The following TP53BP2 variants were observed in gnomAD, a reference collection of about 807,000 sequenced individuals.
TP53BP2 encodes tumor protein p53 binding protein 2.
TP53BP2 carries 62 observed loss-of-function variants against 126.2 expected under a neutral mutation model. The observed-to-expected ratio is 0.49, with a 90% CI of 0.40 to 0.61. The LOEUF is 0.61. Among genes scored for constraint, TP53BP2 ranks in the 20% least tolerant of loss-of-function variants. The pLI is 0.00. For synonymous variants in TP53BP2, 485 were observed against 502.9 expected (o/e 0.96, Z 0.48); for missense variants, 1,215 against 1,402.8 (o/e 0.87, Z 2.14).
chr1:223,795,047 C>G (rs1425581852), intron 13 of TP53BP2, among the ~76,000 whole-genome samples: 1 of 152,200 alleles, frequency 6.6e-6, no homozygotes, highest in African/African-American at 2.4e-5. Context: ...TATGAAAAAG[C>G]AGACTTCATT....
Position 223,803,263 on chromosome 1 carries a change from C to A in TP53BP2, c.831+8G>T. The stretch of plus-strand genomic sequence containing the variant: ...TTGTACAGCTTTTGGCAAACAGCTA[C>A]GGTCTACCTGCAGCTCCTTATAGAG... On this transcript the variant is annotated splice_region_variant and intron_variant, in intron 7 of 17. Coordinates refer to ENST00000343537, the MANE Select transcript of TP53BP2 (RefSeq NM_001031685.3). 6.2e-7 allele frequency: 1 copy of A among 1,602,170 alleles called. No homozygotes were observed. The highest frequency in any genetic ancestry group is 8.5e-7 in the Non-Finnish European group (1 of 1,175,592).
At chr1:223,815,108 C>T (rs1222128) in intron 2 of TP53BP2, among the ~76,000 whole-genome samples, 20,060 of 152,138 alleles carry the variant, frequency 0.13, 1,805 homozygotes, top group African/African-American at 0.24. Flanking sequence ...ATCAATGAAA[C>T]TCCAGTAATG....
chr1:223,782,226 T>TACACA, intron 17 of TP53BP2, among the ~76,000 whole-genome samples: 1 of 152,200 alleles, frequency 6.6e-6, no homozygotes, highest in Non-Finnish European at 1.5e-5. Context: ...TTTCAAATCA[T>TACACA]GTTATACACC....
chr1:223,810,781 G>A (rs893607577), intron 3 of TP53BP2, among the ~76,000 whole-genome samples: 3 of 152,066 alleles, frequency 2.0e-5, no homozygotes, highest in Non-Finnish European at 4.4e-5. Context: ...ACATACCAAA[G>A]GAGGAAAAAT....
chr1:223,836,116 C>T (rs1166560242), intron 1 of TP53BP2, among the ~76,000 whole-genome samples: 2 of 152,168 alleles, frequency 1.3e-5, no homozygotes, highest in Admixed American at 1.3e-4. Flanking sequence ...GGACGCAAGG[C>T]AGGACAAAGA....
chr1:223,803,660 T>A (rs545943908), intron 6 of TP53BP2, among the ~76,000 whole-genome samples: 2 of 152,346 alleles, frequency 1.3e-5, no homozygotes, highest in East Asian at 3.9e-4. Flanking sequence ...TGTATATTTA[T>A]CAGAATTTGC....
rs1228475 is a variant in TP53BP2 at position 223,786,855 on chromosome 1, G to A, written c.3163+2153C>T. On this transcript the variant is annotated intron_variant, in intron 16 of 17. Coordinates refer to ENST00000343537, the MANE Select transcript of TP53BP2 (RefSeq NM_001031685.3). ...TCTCCTGACCTCGTGATCTGCCCAC[G>A]TCGGCCTCCCAAAGTGCTGGGATTA... Among the ~76,000 whole-genome samples, 145 of 151,696 alleles carry A rather than the reference G, an allele frequency of 9.6e-4. 1 individual carries two copies. Among genetic ancestry groups the A allele is most frequent in the South Asian group, 4.2e-4 (2 of 4,808 alleles).
intron 4 of TP53BP2, among the ~76,000 whole-genome samples, chr1:223,809,470 G>A (rs1662835572): frequency 6.6e-6 from 1 of 151,982 alleles, no homozygotes; most frequent in Non-Finnish European, 1.5e-5. Context: ...GGGAGGCTGA[G>A]GCAGGAGAAT....
chr1:223,824,580 A>C (rs1487124543), intron 1 of TP53BP2, among the ~76,000 whole-genome samples: 1 of 152,192 alleles, frequency 6.6e-6, no homozygotes, highest in African/African-American at 2.4e-5. Context: ...CCTCATCTTC[A>C]AAATGAGTCT....
intron 2 of TP53BP2, among the ~76,000 whole-genome samples, chr1:223,820,004 G>A (rs1167430478): frequency 6.6e-6 from 1 of 152,220 alleles, no homozygotes; most frequent in African/African-American, 2.4e-5. Flanking sequence ...GCCTTCTGCA[G>A]AGGATTACAT....
At position 223,817,417 on chromosome 1, in the gene TP53BP2, A is replaced by G. The variant is rs373389394; in HGVS notation, c.176-3064T>C. ...AGGGAAAGAAAGAAGAAGAAAAACA[A>G]AATTTTTTTTGAAAATTTAAAAAAT... On this transcript the variant is annotated intron_variant, in intron 2 of 17. Coordinates refer to ENST00000343537, the MANE Select transcript of TP53BP2 (RefSeq NM_001031685.3). 1.9e-4 allele frequency among the ~76,000 whole-genome samples: 29 copies of G among 151,228 alleles called. 1 individual carries two copies. Among genetic ancestry groups the G allele is most frequent in the Admixed American group, 7.9e-4 (12 of 15,190 alleles).
At position 223,798,682 on chromosome 1, in the gene TP53BP2, AACAC is replaced by A. The variant is rs1184037396; in HGVS notation, c.1486-9_1486-6del. 1.3e-6 allele frequency: 2 copies of A among 1,586,662 alleles called. No homozygotes were observed. Among genetic ancestry groups the A allele is most frequent in the African/African-American group, 2.7e-5 (2 of 73,976 alleles). ...AGCCACATTTTTATTTGCAACCTAT[AACAC>A]ACACATAAAAAGCCAGTTAAAATAC... On this transcript the variant is annotated splice_region_variant and splice_polypyrimidine_tract_variant and intron_variant, in intron 11 of 17. Coordinates refer to ENST00000343537, the MANE Select transcript of TP53BP2 (RefSeq NM_001031685.3).
chr1:223,797,792 GTA>G (rs1247450099), intron 12 of TP53BP2, among the ~76,000 whole-genome samples: 1 of 151,478 alleles, frequency 6.6e-6, no homozygotes, highest in East Asian at 1.9e-4. Flanking sequence ...GTGTGTGTGT[GTA>G]TATATATCTA....
rs961390073 is a variant in TP53BP2 at position 223,845,926 on chromosome 1, C to T, written c.-246G>A. On this transcript the variant is annotated 5_prime_UTR_variant, in exon 1 of 18. Coordinates refer to ENST00000343537, the MANE Select transcript of TP53BP2 (RefSeq NM_001031685.3). ...TCTTCGACGCTCGTGACGGTCGGGG[C>T]TCCCTCCTCCGCTCCGAAACCAACT... The T allele has an allele frequency of 4.4e-5, 11 of 249,896 alleles. No homozygotes were observed. The highest frequency in any genetic ancestry group is 8.3e-5 in the Non-Finnish European group (11 of 132,540). 15.5% of individuals were successfully genotyped at this position (249,896 alleles called of 1,614,324 possible). A position where few individuals can be genotyped will look rare whatever the true frequency, so the allele number is the denominator to read the frequency against.
At chr1:223,800,535 G>A (rs1386950938) in intron 10 of TP53BP2, among the ~76,000 whole-genome samples, 165 bp downstream of exon 10, 1 of 152,170 alleles carries the variant, frequency 6.6e-6, no homozygotes, top group Non-Finnish European at 1.5e-5. Flanking sequence ...AGTGAGCCAT[G>A]AGCGCACCAC....
intron 1 of TP53BP2, among the ~76,000 whole-genome samples, chr1:223,842,027 C>T (rs1458382178): frequency 1.3e-5 from 2 of 151,876 alleles, no homozygotes; most frequent in African/African-American, 2.4e-5. Context: ...CTGCAACCTC[C>T]GCCTCTAGGG....
chr1:223,836,167 T>G (rs1213771778), intron 1 of TP53BP2, among the ~76,000 whole-genome samples: 3 of 152,220 alleles, frequency 2.0e-5, no homozygotes, highest in African/African-American at 7.2e-5. Context: ...ACGAATGTGC[T>G]GCAAAAACTT....
At chr1:223,819,178 C>T (rs1396889547) in intron 2 of TP53BP2, among the ~76,000 whole-genome samples, 3 of 139,900 alleles carry the variant, frequency 2.1e-5, no homozygotes, top group African/African-American at 9.1e-5. Context: ...GAGCGAAACT[C>T]TGTCTCAAAA....
chr1:223,829,625 A>C (rs1427994210), intron 1 of TP53BP2, among the ~76,000 whole-genome samples: 1 of 151,964 alleles, frequency 6.6e-6, no homozygotes, highest in African/African-American at 2.4e-5. Flanking sequence ...GCCTCTGGGA[A>C]GCTGTTGTGA....
Sources: allele counts gnomAD v4.1 joint callset (sites outside exome capture counted in the v4.1 genomes callset), GRCh38; gene constraint gnomAD v4.1.1; transcripts MANE v1.5; gene names NCBI Gene and HGNC (gene_info 2026-07-23, HGNC 2026-07-21).